The following PLXNC1 variants were observed in gnomAD, a reference collection of about 807,000 sequenced individuals.
The protein encoded by PLXNC1 is plexin-C1.
In PLXNC1, 75 loss-of-function variants were observed where a neutral mutation model predicts 178.2. The observed-to-expected ratio is 0.42, with a 90% CI of 0.35 to 0.51. The LOEUF (loss-of-function observed/expected upper bound fraction) is 0.51, where lower values mean the gene tolerates loss of function less well. Among genes scored for constraint, PLXNC1 ranks in the 20% least tolerant of loss-of-function variants. The pLI is 0.02. For synonymous variants in PLXNC1, 790 were observed against 779.9 expected, an observed-to-expected ratio of 1.01 and a Z score of -0.22; for missense variants, 1,503 against 1,984.4, an observed-to-expected ratio of 0.76 and a Z score of 4.61.
At chr12:94,177,983 A>G (rs1239976465) in intron 2 of PLXNC1, among the ~76,000 whole-genome samples, 1 of 152,242 alleles carries the variant, frequency 6.6e-6, no homozygotes, top group Non-Finnish European at 1.5e-5. Flanking sequence ...TAATAAAATT[A>G]TCAGTCATTC....
chr12:94,250,817 G>A (rs369149405), intron 14 of PLXNC1, among the ~76,000 whole-genome samples: 3 of 151,816 alleles, frequency 2.0e-5, no homozygotes, highest in Non-Finnish European at 4.4e-5. Context: ...TCAGGAGTTC[G>A]AGACCAGACT....
chr12:94,161,793 A>G (rs1592720888), intron 1 of PLXNC1, among the ~76,000 whole-genome samples: 1 of 152,138 alleles, frequency 6.6e-6, no homozygotes, highest in East Asian at 1.9e-4. Context: ...GTGGTTTTCT[A>G]TTGCTCCCCA....
At position 94,298,682 on chromosome 12, in the gene PLXNC1, A is replaced by G; in HGVS notation, c.4125A>G (p.Leu1375=). 1 of 1,610,942 alleles carries G rather than the reference A, an allele frequency of 6.2e-7. No homozygotes were observed. The highest frequency in any genetic ancestry group is 1.1e-5 in the South Asian group (1 of 90,076). Residue 1375 remains leucine (L), a synonymous_variant, in exon 27 of 31, where the codon TTA becomes TTG. Coordinates refer to ENST00000258526, the MANE Select transcript of PLXNC1 (RefSeq NM_005761.3). ...LEKLFRSIWS[L]PNSRAPFAIK... ...AACTTTTTAGAAGCATTTGGAGTTT[A>G]CCCAACAGCAGAGCTCCATTTGCTA...
At chr12:94,277,453 A>C (rs1045664245) in intron 21 of PLXNC1, among the ~76,000 whole-genome samples, 1 of 152,208 alleles carries the variant, frequency 6.6e-6, no homozygotes, top group Non-Finnish European at 1.5e-5. Flanking sequence ...TCAGTGGTCC[A>C]TAAGTCACGG....
intron 5 of PLXNC1, 89 bp from the exon 6 acceptor site, chr12:94,219,927 C>T: frequency 8.6e-7 from 1 of 1,157,228 alleles, no homozygotes; most frequent in African/African-American, 1.5e-5. Flanking sequence ...CCTCCTGTGG[C>T]AGGTCAAAGG....
chr12:94,212,388 C>T (rs1460744932), intron 5 of PLXNC1, among the ~76,000 whole-genome samples: 1 of 151,008 alleles, frequency 6.6e-6, no homozygotes, highest in African/African-American at 2.4e-5. Flanking sequence ...AGTTTTGTTA[C>T]ATAGGTATAC....
At chr12:94,204,311 A>G (rs1448276609) in intron 4 of PLXNC1, among the ~76,000 whole-genome samples, 1 of 152,232 alleles carries the variant, frequency 6.6e-6, no homozygotes, top group Non-Finnish European at 1.5e-5. Flanking sequence ...GGAACCAGCT[A>G]TGCCTCAGTT....
chr12:94,157,669 G>T (rs574306849), intron 1 of PLXNC1, among the ~76,000 whole-genome samples: 1 of 152,298 alleles, frequency 6.6e-6, no homozygotes, highest in Non-Finnish European at 1.5e-5. Flanking sequence ...GCTTTCCTTA[G>T]AGAAGTTACT....
intron 21 of PLXNC1, among the ~76,000 whole-genome samples, chr12:94,273,980 C>T (rs747025664): frequency 6.6e-6 from 1 of 151,804 alleles, no homozygotes; most frequent in South Asian, 2.1e-4. Flanking sequence ...ATCCTAGTCA[C>T]AAGATGGCTG....
intron 8 of PLXNC1, 75 bp downstream of exon 8, chr12:94,226,782 G>C: frequency 6.6e-6 from 7 of 1,061,712 alleles, no homozygotes; most frequent in Non-Finnish European, 7.3e-6. Context: ...CCAGCATTTT[G>C]GGAGGTCGAG....
chr12:94,289,116 T>C (rs1237369883), intron 23 of PLXNC1, among the ~76,000 whole-genome samples: 2 of 152,242 alleles, frequency 1.3e-5, no homozygotes, highest in Non-Finnish European at 1.5e-5. Flanking sequence ...TCTCTTTTCA[T>C]GGAATTCTAA....
chr12:94,283,061 A>G (rs1966565266), intron 23 of PLXNC1, among the ~76,000 whole-genome samples: 1 of 152,206 alleles, frequency 6.6e-6, no homozygotes, highest in Non-Finnish European at 1.5e-5. Flanking sequence ...ATCTTTGTTG[A>G]ATATCCACTC....
chr12:94,200,108 T>C (rs1336305410), intron 4 of PLXNC1, among the ~76,000 whole-genome samples: 1 of 152,210 alleles, frequency 6.6e-6, no homozygotes, highest in Non-Finnish European at 1.5e-5. Context: ...TGTTTTTTGT[T>C]TAGTGGAGCT....
chr12:94,177,046 CAT>C (rs1237260571), intron 2 of PLXNC1, among the ~76,000 whole-genome samples: 166 of 116,810 alleles, frequency 1.4e-3, no homozygotes, highest in South Asian at 1.0e-2. Flanking sequence ...TATGTCATTT[CAT>C]ATATATGTGT....
rs764803187 is a variant in PLXNC1, at chr12:94,297,273, A to G, written c.3967-43A>G. 1.2e-4 allele frequency: 200 copies of G among 1,613,016 alleles called. No homozygotes were observed. Among genetic ancestry groups the G allele is most frequent in the Non-Finnish European group, 1.6e-4 (183 of 1,179,072 alleles). On this transcript the variant is annotated intron_variant, in intron 25 of 30. Coordinates refer to ENST00000258526, the MANE Select transcript of PLXNC1 (RefSeq NM_005761.3). ...ACTGAACTGCATGCCTTCTGTAGCA[A>G]GAGTGGTCTCCTTGGGTAACGCTTC...
chr12:94,283,968 A>G (rs1383356436), intron 23 of PLXNC1, among the ~76,000 whole-genome samples: 3 of 152,056 alleles, frequency 2.0e-5, no homozygotes, highest in African/African-American at 7.2e-5. Context: ...CTGTAATCCC[A>G]GCTACTTGGG....
chr12:94,164,667 A>G (rs1257290138), intron 1 of PLXNC1, among the ~76,000 whole-genome samples: 2 of 3,368 alleles, frequency 5.9e-4, no homozygotes, highest in African/African-American at 2.0e-3. Flanking sequence ...CCCTGCACAC[A>G]CACACACACA....
At chr12:94,284,665 G>C (rs1380165285) in intron 23 of PLXNC1, among the ~76,000 whole-genome samples, 1 of 152,054 alleles carries the variant, frequency 6.6e-6, no homozygotes, top group African/African-American at 2.4e-5. Flanking sequence ...TCTGGTAACA[G>C]CTAGTCAGTG....
At chr12:94,247,800 C>A in intron 12 of PLXNC1, 103 bp from the exon 13 acceptor site, 2 of 989,194 alleles carry the variant, frequency 2.0e-6, no homozygotes, top group East Asian at 2.4e-5. Context: ...CATGAGAAAA[C>A]AGAAGCACCA....
Sources: allele counts gnomAD v4.1 joint callset (sites outside exome capture counted in the v4.1 genomes callset), GRCh38; gene constraint gnomAD v4.1.1; transcripts MANE v1.5; gene names NCBI Gene and HGNC (gene_info 2026-07-23, HGNC 2026-07-21).